The following CNTN5 variants were observed in gnomAD, a reference collection of about 807,000 sequenced individuals.
The protein encoded by CNTN5 is contactin 5, also known as contactin-5.
A neutral mutation model predicts 129.1 loss-of-function variants in CNTN5; 77 were observed. The ratio of observed to expected loss-of-function variants is 0.60; its 90% CI spans 0.50 to 0.72. CNTN5 has a LOEUF of 0.72. CNTN5 is among the 30% of genes least tolerant of loss of function. The pLI is 0.00. For synonymous variants in CNTN5, 509 were observed against 465.6 expected, an observed-to-expected ratio of 1.09 and a Z score of -1.20; for missense variants, 1,478 against 1,328.8, an observed-to-expected ratio of 1.11 and a Z score of -1.75.
intron 3 of CNTN5, among the ~76,000 whole-genome samples, chr11:99,723,215 G>A (rs532168081): frequency 6.1e-5 from 9 of 147,164 alleles, no homozygotes; most frequent in Non-Finnish European, 1.1e-4. Context: ...CTTTATTATC[G>A]ATTCCACTTT....
intron 2 of CNTN5, among the ~76,000 whole-genome samples, chr11:99,375,165 T>G (rs1940089235): frequency 6.6e-6 from 1 of 151,674 alleles, no homozygotes; most frequent in Non-Finnish European, 1.5e-5. Context: ...TAGCTGGGTG[T>G]GGTAGTACGT....
At chr11:99,132,730 A>G (rs1859009869) in intron 1 of CNTN5, among the ~76,000 whole-genome samples, 1 of 152,176 alleles carries the variant, frequency 6.6e-6, no homozygotes, top group Non-Finnish European at 1.5e-5. Context: ...GAGAACTGCA[A>G]ACTGCTACTC....
rs948354998 is a variant in CNTN5 at position 99,118,738 on chromosome 11, G to A, written c.-210+97468G>A. ...AGAAGTAAATTATATTTAAAAAGAA[G>A]TTTGAAGAGTTAAGCCCCAAAAATC... is the stretch of plus-strand genomic sequence containing the variant. On this transcript the variant is annotated intron_variant, in intron 1 of 24. Coordinates refer to ENST00000524871, the MANE Select transcript of CNTN5 (RefSeq NM_014361.4). Among the ~76,000 whole-genome samples the A allele has an allele frequency of 2.6e-5, 4 of 152,026 alleles. No individual in the cohort carries two copies. In the East Asian group the frequency reaches 7.7e-4, roughly 29 times the overall value.
intron 6 of CNTN5, among the ~76,000 whole-genome samples, chr11:99,889,148 A>G (rs1369825806): frequency 6.6e-6 from 1 of 152,192 alleles, no homozygotes; most frequent in Non-Finnish European, 1.5e-5. Context: ...TTGAGAGAAT[A>G]AATAGATATT....
chr11:99,715,840 A>ATTGGGAAAGGAAATTGTAT (rs1955196663), intron 3 of CNTN5, among the ~76,000 whole-genome samples: 1 of 151,960 alleles, frequency 6.6e-6, no homozygotes, highest in Admixed American at 6.6e-5. Flanking sequence ...TGTCTAATAT[A>ATTGGGAAAGGAAATTGTAT]TTGGGAAAGG....
Position 99,736,484 on chromosome 11 carries a change from G to T in CNTN5, c.56-83060G>T, listed in dbSNP as rs114607167. ...GGGAACAGATTGGCCTCCAGTCAAGGCCTCAAAATGGGGTCAAAACAGCAT... is the reference window on the plus strand; with the variant it reads ...GGGAACAGATTGGCCTCCAGTCAAGTCCTCAAAATGGGGTCAAAACAGCAT... On this transcript the variant is annotated intron_variant, in intron 3 of 24. Transcript: ENST00000524871. Among the ~76,000 whole-genome samples the T allele has an allele frequency of 3.6e-3, 541 of 152,220 alleles. 5 individuals are homozygous for T. Among genetic ancestry groups the T allele is most frequent in the African/African-American group, 0.012 (517 of 41,558 alleles).
chr11:99,585,449 C>T (rs913317796), intron 3 of CNTN5, among the ~76,000 whole-genome samples: 1 of 152,084 alleles, frequency 6.6e-6, no homozygotes, highest in Non-Finnish European at 1.5e-5. Context: ...AACAATGCCA[C>T]TCTTCTTACA....
chr11:99,497,131 A>G (rs745858269), intron 2 of CNTN5, among the ~76,000 whole-genome samples: 1 of 152,222 alleles, frequency 6.6e-6, no homozygotes, highest in African/African-American at 2.4e-5. Context: ...AAAGCATTCT[A>G]AAAAAGAAGT....
At chr11:99,111,292 T>G (rs550179462) in intron 1 of CNTN5, among the ~76,000 whole-genome samples, 65 of 151,502 alleles carry the variant, frequency 4.3e-4, no homozygotes, top group African/African-American at 1.5e-3. Flanking sequence ...TGGTGTGTGT[T>G]TGTGTGTGTG....
chr11:100,209,779 T>C (rs2138582035), intron 15 of CNTN5, among the ~76,000 whole-genome samples: 1 of 152,314 alleles, frequency 6.6e-6, no homozygotes, highest in East Asian at 1.9e-4. Flanking sequence ...ACTATGGGCA[T>C]ATCTGAAGCA....
intron 1 of CNTN5, among the ~76,000 whole-genome samples, chr11:99,263,411 C>A (rs1024518192): frequency 6.6e-6 from 1 of 151,936 alleles, no homozygotes; most frequent in Non-Finnish European, 1.5e-5. Context: ...CACTAATATG[C>A]CTAAAATTGT....
rs999563812 is a variant in CNTN5 at position 100,149,471 on chromosome 11, G to A, written c.1581-41655G>A. Among the ~76,000 whole-genome samples, 7 of 152,246 alleles carry A rather than the reference G, an allele frequency of 4.6e-5. No individual in the cohort carries two copies. The East Asian group carries it at 1.4e-3, about 29-fold the overall frequency. ...CATAATAAATGCTATGATAAATTCA[G>A]TTTAAAATGTAAAAAAATTAAAGGA... On this transcript the variant is annotated intron_variant, in intron 13 of 24. Transcript: ENST00000524871.
intron 2 of CNTN5, among the ~76,000 whole-genome samples, chr11:99,381,888 TG>T (rs1223775007): frequency 6.6e-6 from 1 of 152,140 alleles, no homozygotes; most frequent in Admixed American, 6.5e-5. Flanking sequence ...ACAGCTCACC[TG>T]GGTAATGGTG....
chr11:99,254,479 C>T (rs1265646581), intron 1 of CNTN5, among the ~76,000 whole-genome samples: 1 of 151,870 alleles, frequency 6.6e-6, no homozygotes, highest in Non-Finnish European at 1.5e-5. Context: ...ATAGATTTTG[C>T]ATCAGTAAAA....
intron 3 of CNTN5, among the ~76,000 whole-genome samples, chr11:99,686,621 T>C (rs1953805778): frequency 6.6e-6 from 1 of 152,162 alleles, no homozygotes; most frequent in African/African-American, 2.4e-5. Context: ...TTCACTGTAA[T>C]GCATATAAGC....
At chr11:99,332,380 T>G (rs1404294992) in intron 2 of CNTN5, among the ~76,000 whole-genome samples, 1 of 152,128 alleles carries the variant, frequency 6.6e-6, no homozygotes, top group Admixed American at 6.6e-5. Flanking sequence ...CTGCTTTTAT[T>G]TTCTATACAA....
intron 3 of CNTN5, among the ~76,000 whole-genome samples, chr11:99,651,441 G>A (rs1435310021): frequency 1.3e-5 from 2 of 151,822 alleles, no homozygotes; most frequent in African/African-American, 2.4e-5. Context: ...CTAATCTGTG[G>A]GTAGGCAATT....
At chr11:99,595,495 C>T (rs952471049) in intron 3 of CNTN5, among the ~76,000 whole-genome samples, 2 of 151,794 alleles carry the variant, frequency 1.3e-5, no homozygotes, top group African/African-American at 2.4e-5. Context: ...CTCTTTTAAA[C>T]AAGTATCAAC....
intron 10 of CNTN5, among the ~76,000 whole-genome samples, chr11:100,069,368 G>A (rs1212821981): frequency 1.3e-5 from 2 of 151,402 alleles, no homozygotes; most frequent in Admixed American, 1.3e-4. Flanking sequence ...CATGTTGCCC[G>A]AGCTGGGAAC....
Sources: allele counts gnomAD v4.1 joint callset (sites outside exome capture counted in the v4.1 genomes callset), GRCh38; gene constraint gnomAD v4.1.1; transcripts MANE v1.5; gene names NCBI Gene and HGNC (gene_info 2026-07-23, HGNC 2026-07-21).